TCF4: variants seen among roughly 807,000 people sequenced by gnomAD.
TCF4 encodes the protein transcription factor 4.
A neutral mutation model predicts 82.1 loss-of-function variants in TCF4; 3 were observed. The ratio of observed to expected loss-of-function variants is 0.04; its 90% CI spans 0.02 to 0.09. The LOEUF is 0.09. Among genes scored for constraint, TCF4 ranks in the 10% least tolerant of loss-of-function variants. TCF4 has a pLI of 1.00. For missense variants in TCF4, 518 were observed against 852.7 expected (o/e 0.61, Z 4.89); for synonymous variants, 276 against 309.6 (o/e 0.89, Z 1.14).
chr18:55,570,956 A>G (rs1160056309), intron 3 of TCF4, among the ~76,000 whole-genome samples: 2 of 152,058 alleles, frequency 1.3e-5, no homozygotes, highest in Non-Finnish European at 2.9e-5. Context: ...GACTGCACCA[A>G]TAGTAATCCT....
At chr18:55,351,281 A>C in intron 6 of TCF4, 1 of 385,272 alleles carries the variant, frequency 2.6e-6, no homozygotes, top group Non-Finnish European at 4.8e-6. Context: ...TTCATTTCAC[A>C]AAACAAATGG....
intron 12 of TCF4, 152 bp downstream of exon 12, chr18:55,261,314 A>G (rs979085355): frequency 4.8e-5 from 45 of 934,250 alleles, no homozygotes; most frequent in Non-Finnish European, 7.6e-5. Flanking sequence ...AGCCTTCTCA[A>G]ATTTTCCAGT....
At chr18:55,510,104 T>A (rs974457064) in intron 3 of TCF4, among the ~76,000 whole-genome samples, 2 of 149,298 alleles carry the variant, frequency 1.3e-5, no homozygotes. Flanking sequence ...AGGCCAAGTC[T>A]CCCCCTGATG....
intron 18 of TCF4, among the ~76,000 whole-genome samples, chr18:55,228,628 T>C (rs556444967): frequency 6.6e-6 from 1 of 152,278 alleles, no homozygotes; most frequent in East Asian, 1.9e-4. Flanking sequence ...ATAGGGAAAG[T>C]TGCAATATAA....
At chr18:55,313,295 T>C (rs2073129419) in intron 8 of TCF4, among the ~76,000 whole-genome samples, 1 of 152,016 alleles carries the variant, frequency 6.6e-6, no homozygotes, top group Admixed American at 6.6e-5. Context: ...CGGGGGGAGA[T>C]TAAGTGGGAT....
chr18:55,605,203 C>T (rs1323185236), intron 2 of TCF4, among the ~76,000 whole-genome samples: 2 of 152,124 alleles, frequency 1.3e-5, no homozygotes, highest in African/African-American at 2.4e-5. Flanking sequence ...CAGCATGTGG[C>T]CTAGACTGAA....
Position 55,223,235 on chromosome 18 carries a change from T to C in TCF4, c.*4800A>G, listed in dbSNP as rs2046104373. On this transcript the variant is annotated 3_prime_UTR_variant, in exon 20 of 20. Coordinates refer to ENST00000354452, the MANE Select transcript of TCF4 (RefSeq NM_001083962.2). ...TAGACAGTTTTCTTTTTGTTTTGCA[T>C]GCATCCCGTTCCATTTTCATTAAGG... 2 of 152,244 alleles carry C rather than the reference T, an allele frequency of 1.3e-5. No individual in the cohort carries two copies. The allele number at this position is 152,244 out of a possible 1,614,324, so 9.4% of individuals were successfully genotyped here. A position where few individuals can be genotyped will look rare whatever the true frequency, so the allele number is the denominator to read the frequency against.
chr18:55,424,293 T>A (rs1035746866), intron 5 of TCF4, among the ~76,000 whole-genome samples: 7 of 152,212 alleles, frequency 4.6e-5, no homozygotes, highest in African/African-American at 1.7e-4. Context: ...AGGAATCAGC[T>A]CTGTCTCAAG....
intron 3 of TCF4, among the ~76,000 whole-genome samples, chr18:55,476,493 G>A (rs943633328): frequency 6.7e-6 from 1 of 150,160 alleles, no homozygotes; most frequent in African/African-American, 2.4e-5. Context: ...TTTTTTTTGA[G>A]ATGGGGTCCT....
intron 2 of TCF4, chr18:55,586,355 G>C (rs1222087505): frequency 3.3e-6 from 2 of 607,332 alleles, no homozygotes; most frequent in Non-Finnish European, 5.8e-6. Context: ...TCATTCTCCT[G>C]ACATGTCTGG....
intron 3 of TCF4, among the ~76,000 whole-genome samples, chr18:55,545,677 T>C (rs2097200430): frequency 6.6e-6 from 1 of 152,208 alleles, no homozygotes; most frequent in Non-Finnish European, 1.5e-5. Flanking sequence ...CTTGAACTCC[T>C]GACCTCAGGT....
chr18:55,276,577 G>C (rs1483455425), intron 9 of TCF4, among the ~76,000 whole-genome samples: 1 of 152,106 alleles, frequency 6.6e-6, no homozygotes, highest in Non-Finnish European at 1.5e-5. Flanking sequence ...TGGCCTACAG[G>C]TTATTATTAA....
rs1201203619 is a variant in TCF4, at chr18:55,228,247, G to A, written c.1994C>T (p.Ser665Leu). ...CTTTTACATCTGTCCCATGTGATTC[G>A]ATGCGTCTCCCATTCCAGGGTGTGG... ...AGPHPGMGDA[S>L]NHMGQM The change falls in exon 19 of 20, where the codon TCG (serine) becomes TTG (leucine). Residue 665 changes from serine (S) to leucine (L), a missense_variant. Coordinates refer to ENST00000354452, the MANE Select transcript of TCF4 (RefSeq NM_001083962.2). 1.9e-6 allele frequency: 3 copies of A among 1,614,012 alleles called. No individual in the cohort carries two copies. Among genetic ancestry groups the A allele is most frequent in the African/African-American group, 1.3e-5 (1 of 74,904 alleles).
intron 8 of TCF4, among the ~76,000 whole-genome samples, chr18:55,349,578 C>A (rs1021136798): frequency 6.6e-6 from 1 of 151,610 alleles, no homozygotes. Flanking sequence ...GATAAAGAAA[C>A]AAAGAAAGAA....
At chr18:55,296,911 G>C (rs73960226) in intron 8 of TCF4, among the ~76,000 whole-genome samples, 5,309 of 152,126 alleles carry the variant, frequency 0.035, 294 homozygotes, top group African/African-American at 0.12. Context: ...ATTAGGAATG[G>C]GTGAGCCAAG....
intron 3 of TCF4, among the ~76,000 whole-genome samples, chr18:55,515,481 A>G (rs2096872375): frequency 6.6e-6 from 1 of 152,218 alleles, no homozygotes; most frequent in Admixed American, 6.5e-5. Context: ...GCCCCAGCAT[A>G]CAAGAGGACA....
intron 8 of TCF4, among the ~76,000 whole-genome samples, chr18:55,294,143 C>T (rs1442043581): frequency 6.6e-6 from 1 of 150,704 alleles, no homozygotes; most frequent in African/African-American, 2.4e-5. Context: ...GCCTGTAATC[C>T]CAGCTACTTG....
At chr18:55,339,643 T>C (rs933809765) in intron 8 of TCF4, among the ~76,000 whole-genome samples, 1 of 152,142 alleles carries the variant, frequency 6.6e-6, no homozygotes, top group African/African-American at 2.4e-5. Flanking sequence ...AAGACATTCA[T>C]TGTGGAATGT....
At chr18:55,267,646 A>C (rs2059490953) in intron 11 of TCF4, 1 of 152,196 alleles carries the variant, frequency 6.6e-6, no homozygotes. Flanking sequence ...GTATCTATGC[A>C]TAATAATAAA....
Sources: gnomAD v4.1 joint callset for allele counts (sites outside exome capture counted in the v4.1 genomes callset) on GRCh38, gnomAD v4.1.1 for gene constraint, MANE v1.5 for transcripts, NCBI Gene and HGNC (gene_info 2026-07-23, HGNC 2026-07-21) for gene names.